Variants in CCP110 observed in about 807,000 individuals in gnomAD.
CCP110 encodes the protein centriolar coiled-coil protein of 110 kDa.
CCP110 carries 43 observed loss-of-function variants against 105.5 expected under a neutral mutation model. The observed-to-expected ratio is 0.41, with a 90% CI of 0.32 to 0.53. The LOEUF (loss-of-function observed/expected upper bound fraction) is 0.53, where lower values mean the gene tolerates loss of function less well. Ranked by LOEUF, CCP110 falls within the 20% of genes least tolerant of loss-of-function variation. The pLI, the probability that CCP110 is intolerant of heterozygous loss-of-function variation, is 0.32. For synonymous variants in CCP110, 353 were observed against 392.1 expected, an observed-to-expected ratio of 0.90 and a Z score of 1.18; for missense variants, 1,016 against 1,189.1, an observed-to-expected ratio of 0.85 and a Z score of 2.14.
intron 6 of CCP110, among the ~76,000 whole-genome samples, chr16:19,542,364 T>G (rs1280248203): frequency 6.6e-6 from 1 of 152,222 alleles, no homozygotes; most frequent in Admixed American, 6.5e-5. Context: ...CTCTCCTGAG[T>G]GATCTTGAAT....
intron 4 of CCP110, among the ~76,000 whole-genome samples, chr16:19,539,842 C>T (rs1970214907): frequency 6.6e-6 from 1 of 151,634 alleles, no homozygotes; most frequent in African/African-American, 2.4e-5. Flanking sequence ...TCTTGTTGCC[C>T]AGGCTGGAGT....
At position 19,546,653 on chromosome 16, in the gene CCP110, T is replaced by C. The variant is rs926684878; in HGVS notation, c.2840+179T>C. Reference sequence around the variant, plus strand: ...CCAACATGGAAAACCCCATCTCTACTAAAAATACAAAATTAGCTGGGTGTG... The same window carrying C: ...CCAACATGGAAAACCCCATCTCTACCAAAAATACAAAATTAGCTGGGTGTG... On this transcript the variant is annotated intron_variant, in intron 12 of 14. Coordinates refer to ENST00000381396, the Ensembl canonical transcript of CCP110. 53 of 430,256 alleles carry C rather than the reference T, an allele frequency of 1.2e-4. No homozygotes were observed. The South Asian group carries it at 1.3e-3, about 11-fold the overall frequency. 26.7% of individuals were successfully genotyped at this position (430,256 alleles called of 1,614,324 possible).
chr16:19,545,275 A>C, intron 10 of CCP110, 65 bp downstream of exon 10: 1 of 888,978 alleles, frequency 1.1e-6, no homozygotes, highest in Non-Finnish European at 1.7e-6. Flanking sequence ...ACTAAATGTC[A>C]GTTTTGGTTG....
chr16:19,540,469 TCTTA>T (rs1426161462), intron 4 of CCP110, among the ~76,000 whole-genome samples, 184 bp from the exon 5 acceptor site: 1 of 152,202 alleles, frequency 6.6e-6, no homozygotes, highest in East Asian at 1.9e-4. Flanking sequence ...GCAATACAGG[TCTTA>T]CTTTATTGAG....
chr16:19,536,395 A>G (rs1456501514), exon 4 of CCP110: 4 of 1,612,016 alleles, frequency 2.5e-6, no homozygotes, highest in East Asian at 2.2e-5. Flanking sequence ...TAGAAAGAGA[A>G]CAATCTAGAC....
At chr16:19,546,201 GGAATAAA>G (rs967871007) in intron 11 of CCP110, 1 of 511,826 alleles carries the variant, frequency 2.0e-6, no homozygotes, top group Non-Finnish European at 3.4e-6. Flanking sequence ...AGGTTTCTTG[GGAATAAA>G]GACTTAATGG....
intron 14 of CCP110, 102 bp from the exon 14 acceptor site, chr16:19,551,093 TA>T: frequency 1.3e-6 from 1 of 747,560 alleles, no homozygotes; most frequent in Non-Finnish European, 2.4e-6. Flanking sequence ...TGATAATGTA[TA>T]TTGCCTAGCT....
intron 1 of CCP110, 119 bp from the exon 2 acceptor site, chr16:19,527,748 G>T: frequency 1.5e-6 from 1 of 653,284 alleles, no homozygotes. Flanking sequence ...GACAATTCTG[G>T]GAGGACCAGT....
chr16:19,524,357 G>A lies in CCP110; in HGVS notation c.-16+269G>A, dbSNP rs1398636775. 5.3e-5 allele frequency among the ~76,000 whole-genome samples: 8 copies of A among 152,272 alleles called. No individual in the cohort carries two copies. In the East Asian group the frequency reaches 1.5e-3, roughly 29 times the overall value. On this transcript the variant is annotated intron_variant, in intron 1 of 14. Coordinates refer to ENST00000381396, the Ensembl canonical transcript of CCP110. ...GAGGAGCTGGAGGAGGTGGGCATGG[G>A]GCGCTGGGGAGAGGGCAGGGGGCCG...
chr16:19,540,727 C>G, exon 5 of CCP110: 1 of 1,612,724 alleles, frequency 6.2e-7, no homozygotes, highest in Non-Finnish European at 8.5e-7. Context: ...AAGAACAGCA[C>G]GCCCAGCAAT....
exon 4 of CCP110, chr16:19,537,459 A>G: frequency 6.2e-7 from 1 of 1,612,840 alleles, no homozygotes; most frequent in Non-Finnish European, 8.5e-7. Context: ...GGTTTGCAAA[A>G]AGAAAACTGC....
At chr16:19,541,329 C>G (rs1317890954) in intron 5 of CCP110, among the ~76,000 whole-genome samples, 1 of 151,544 alleles carries the variant, frequency 6.6e-6, no homozygotes, top group Admixed American at 6.6e-5. Context: ...TTTAACTATA[C>G]ATTATCACAT....
At chr16:19,527,743 T>A (rs1969722299) in intron 1 of CCP110, 124 bp from the exon 2 acceptor site, 1 of 631,704 alleles carries the variant, frequency 1.6e-6, no homozygotes, top group Non-Finnish European at 2.5e-6. Flanking sequence ...AGTAAGACAA[T>A]TCTGGGAGGA....
Position 19,526,135 on chromosome 16 carries a change from T to G in CCP110, c.-15-1732T>G, listed in dbSNP as rs186792407. On this transcript the variant is annotated intron_variant, in intron 1 of 14. Coordinates refer to ENST00000381396, the Ensembl canonical transcript of CCP110. The stretch of plus-strand genomic sequence containing the variant: ...CTATACATCTGCAAGATATAGGACA[T>G]ATATGTACTATTTAAGGGATGTGAA... The G allele has an allele frequency of 5.9e-5, 9 of 152,326 alleles. No homozygotes were observed. The East Asian group carries it at 1.5e-3, about 26-fold the overall frequency. The allele number at this position is 152,326 out of a possible 1,614,324, so 9.4% of individuals were successfully genotyped here. A position where few individuals can be genotyped will look rare whatever the true frequency, so the allele number is the denominator to read the frequency against.
Position 19,544,676 on chromosome 16 carries a change from C to T in CCP110, c.2485-121C>T, listed in dbSNP as rs1171546989. The T allele has an allele frequency of 7.9e-6, 5 of 632,936 alleles. No individual in the cohort carries two copies. In the Admixed American group the frequency reaches 8.5e-5, roughly 11 times the overall value. 39.2% of individuals were successfully genotyped at this position (632,936 alleles called of 1,614,324 possible). The stretch of plus-strand genomic sequence containing the variant: ...TATCTGAGGGATTCATGGAACCAGT[C>T]CCCCACAGATACTGACGAAAGACTG... On this transcript the variant is annotated intron_variant, in intron 8 of 14. Transcript: ENST00000381396.
chr16:19,525,437 TTAAAA>T (rs1298576818), intron 1 of CCP110: 1 of 152,254 alleles, frequency 6.6e-6, no homozygotes, highest in African/African-American at 2.4e-5. Flanking sequence ...CAGGGCTCCC[TTAAAA>T]TAAAACCTTG....
intron 11 of CCP110, 57 bp downstream of exon 11, chr16:19,545,947 G>C: frequency 1.0e-6 from 1 of 983,810 alleles, no homozygotes; most frequent in Non-Finnish European, 1.6e-6. Context: ...TTAGTCATCT[G>C]TTGGTCTATT....
exon 9 of CCP110, chr16:19,544,861 C>A: frequency 6.2e-7 from 1 of 1,603,134 alleles, no homozygotes; most frequent in Non-Finnish European, 8.5e-7. Flanking sequence ...ATTGTTTCAG[C>A]TCAAGATGCT....
intron 14 of CCP110, among the ~76,000 whole-genome samples, chr16:19,549,881 T>C (rs1225752541): frequency 6.6e-6 from 1 of 152,206 alleles, no homozygotes; most frequent in Non-Finnish European, 1.5e-5. Flanking sequence ...TGTGAACTTA[T>C]AAGCAAAATA....
Sources: allele counts gnomAD v4.1 joint callset (sites outside exome capture counted in the v4.1 genomes callset), GRCh38; gene constraint gnomAD v4.1.1; transcripts MANE v1.5; gene names NCBI Gene and HGNC (gene_info 2026-07-23, HGNC 2026-07-21).